The following ATRNL1 variants were observed in gnomAD, a reference collection of about 807,000 sequenced individuals.
The protein encoded by ATRNL1 is attractin like 1.
ATRNL1 carries 95 observed loss-of-function variants against 182.7 expected under a neutral mutation model. The ratio of observed to expected loss-of-function variants is 0.52; its 90% CI spans 0.44 to 0.62. The LOEUF is 0.62. Among genes scored for constraint, ATRNL1 ranks in the 20% least tolerant of loss-of-function variants. The probability of loss-of-function intolerance (pLI) is 0.00; values close to 1 mark genes in which losing one functional copy is unlikely to be tolerated. For missense variants in ATRNL1, 1,471 were observed against 1,679.5 expected (o/e 0.88, Z 2.17); for synonymous variants, 576 against 568.3 (o/e 1.01, Z -0.19).
At chr10:115,157,829 T>G (rs1846595862) in intron 5 of ATRNL1, among the ~76,000 whole-genome samples, 1 of 152,138 alleles carries the variant, frequency 6.6e-6, no homozygotes. Context: ...TTCAGTCCAC[T>G]GGAAACTTGT....
At chr10:115,128,136 C>G (rs1554874054) in intron 4 of ATRNL1, among the ~76,000 whole-genome samples, 2 of 152,166 alleles carry the variant, frequency 1.3e-5, no homozygotes, top group South Asian at 4.1e-4. Flanking sequence ...GTACTGAAAG[C>G]TATGCATACA....
chr10:115,320,516 A>G (rs1554931097), intron 18 of ATRNL1, among the ~76,000 whole-genome samples: 2 of 151,920 alleles, frequency 1.3e-5, no homozygotes, highest in Non-Finnish European at 2.9e-5. Flanking sequence ...CTCCCTGTCT[A>G]CTTCAGGTAC....
chr10:115,934,080 C>T (rs1475325185), intron 28 of ATRNL1, among the ~76,000 whole-genome samples: 1 of 152,156 alleles, frequency 6.6e-6, no homozygotes, highest in Non-Finnish European at 1.5e-5. Context: ...TGCCTACCAT[C>T]TAGATGCCAA....
Position 115,192,370 on chromosome 10 carries a change from T to C in ATRNL1, c.1348+21078T>C, listed in dbSNP as rs541987116. ...AAGAGACTGTCCTTTCCCCAATGTA[T>C]GTTCTTGGCACCCTTGTAAAAAACG... On this transcript the variant is annotated intron_variant, in intron 8 of 28. Transcript: ENST00000355044. Among the ~76,000 whole-genome samples the C allele has an allele frequency of 8.5e-5, 13 of 152,268 alleles. No homozygotes were observed. In the East Asian group the frequency reaches 2.1e-3, roughly 25 times the overall value.
chr10:115,774,916 C>T (rs1288002250), intron 27 of ATRNL1, among the ~76,000 whole-genome samples: 1 of 151,850 alleles, frequency 6.6e-6, no homozygotes, highest in Non-Finnish European at 1.5e-5. Context: ...TTCTCACCCC[C>T]ATCCCACAGG....
intron 28 of ATRNL1, among the ~76,000 whole-genome samples, chr10:115,932,914 G>T (rs1433273011): frequency 6.6e-6 from 1 of 152,076 alleles, no homozygotes; most frequent in Non-Finnish European, 1.5e-5. Context: ...AAATTATTAT[G>T]TGCATCACTA....
At chr10:115,487,481 GTATTT>G (rs1289949825) in intron 24 of ATRNL1, among the ~76,000 whole-genome samples, 3 of 152,016 alleles carry the variant, frequency 2.0e-5, no homozygotes, top group African/African-American at 7.3e-5. Flanking sequence ...GTATTCCTAG[GTATTT>G]TATTCTCTTT....
chr10:115,387,498 A>G (rs1485572558), intron 19 of ATRNL1, among the ~76,000 whole-genome samples: 1 of 152,348 alleles, frequency 6.6e-6, no homozygotes, highest in African/African-American at 2.4e-5. Flanking sequence ...TATGAAATCC[A>G]CAATCCAGTG....
intron 20 of ATRNL1, among the ~76,000 whole-genome samples, chr10:115,411,856 T>C (rs1308947027): frequency 2.0e-5 from 3 of 152,158 alleles, no homozygotes; most frequent in African/African-American, 7.2e-5. Context: ...ATACCTCAAG[T>C]AAATATATTG....
chr10:115,482,972 C>T (rs1848840333), intron 24 of ATRNL1, among the ~76,000 whole-genome samples: 1 of 151,254 alleles, frequency 6.6e-6, no homozygotes, highest in Non-Finnish European at 1.5e-5. Flanking sequence ...AATCTGTTTG[C>T]TAATAGAAGA....
intron 27 of ATRNL1, chr10:115,819,962 G>A (rs1172659674): frequency 6.6e-6 from 1 of 151,900 alleles, no homozygotes; most frequent in Non-Finnish European, 1.5e-5. Context: ...GGGAGAGGTG[G>A]CAGTGAGGTT....
Position 115,579,439 on chromosome 10 carries a change from T to C in ATRNL1, c.3795+29903T>C, listed in dbSNP as rs542330664. ...TAATCTCTTTCTCATTATGTTGACCTTCTAAAATTATATTGACTTTCTGTG... is the reference window on the plus strand; with the variant it reads ...TAATCTCTTTCTCATTATGTTGACCCTCTAAAATTATATTGACTTTCTGTG... On this transcript the variant is annotated intron_variant, in intron 26 of 28. Coordinates refer to ENST00000355044, the MANE Select transcript of ATRNL1 (RefSeq NM_207303.4). Among the ~76,000 whole-genome samples, 3 of 152,018 alleles carry C rather than the reference T, an allele frequency of 2.0e-5. No individual in the cohort carries two copies. The South Asian group carries it at 6.2e-4, about 31-fold the overall frequency.
chr10:115,936,468 C>T (rs1555122867), intron 28 of ATRNL1, among the ~76,000 whole-genome samples: 1 of 152,114 alleles, frequency 6.6e-6, no homozygotes, highest in East Asian at 1.9e-4. Context: ...ATTTGCTTCT[C>T]AAATGATTTT....
chr10:115,497,521 AT>A (rs1849608185), intron 24 of ATRNL1, among the ~76,000 whole-genome samples: 1 of 152,126 alleles, frequency 6.6e-6, no homozygotes, highest in South Asian at 2.1e-4. Flanking sequence ...TCCTTGATGA[AT>A]CCCAATGTGT....
chr10:115,540,213 C>A (rs949450171), intron 25 of ATRNL1, among the ~76,000 whole-genome samples: 1 of 151,902 alleles, frequency 6.6e-6, no homozygotes, highest in South Asian at 2.1e-4. Flanking sequence ...CTGATCTGAT[C>A]CTAATTAACA....
At chr10:115,130,886 T>C (rs1347177737) in intron 5 of ATRNL1, among the ~76,000 whole-genome samples, 1 of 152,130 alleles carries the variant, frequency 6.6e-6, no homozygotes, top group East Asian at 1.9e-4. Context: ...TCAGCAGTCT[T>C]AAAAGCAAAT....
At chr10:115,104,058 T>C (rs1479516916) in intron 1 of ATRNL1, among the ~76,000 whole-genome samples, 1 of 152,192 alleles carries the variant, frequency 6.6e-6, no homozygotes, top group Non-Finnish European at 1.5e-5. Context: ...GGTAAATACC[T>C]AGCAGTGGGA....
chr10:115,147,725 CTG>C (rs568719980), intron 5 of ATRNL1, among the ~76,000 whole-genome samples: 33 of 152,102 alleles, frequency 2.2e-4, no homozygotes, highest in African/African-American at 7.5e-4. Flanking sequence ...ATTGAAGAGA[CTG>C]TGCTTTCTCC....
chr10:115,299,991 A>G (rs782252513), intron 15 of ATRNL1, 43 bp from the exon 16 acceptor site: 1 of 1,432,222 alleles, frequency 7.0e-7, no homozygotes, highest in Non-Finnish European at 9.8e-7. Flanking sequence ...CCATATTTTT[A>G]CATCTAACTT....
Sources: gnomAD v4.1 joint callset for allele counts (sites outside exome capture counted in the v4.1 genomes callset) on GRCh38, gnomAD v4.1.1 for gene constraint, MANE v1.5 for transcripts, NCBI Gene and HGNC (gene_info 2026-07-23, HGNC 2026-07-21) for gene names.